The following FBN3 variants were observed in gnomAD, a reference collection of about 807,000 sequenced individuals.
The protein encoded by FBN3 is fibrillin 3.
In FBN3, 234 loss-of-function variants were observed where a neutral mutation model predicts 330.1. That is an observed-to-expected ratio of 0.71 (90% CI 0.64 to 0.79). FBN3 has a LOEUF of 0.79. Ranked by LOEUF, FBN3 falls within the 30% of genes least tolerant of loss-of-function variation. FBN3 has a pLI of 0.00. For synonymous variants in FBN3, 1,458 were observed against 1,517.3 expected, an observed-to-expected ratio of 0.96 and a Z score of 0.91; for missense variants, 3,606 against 3,886.9, an observed-to-expected ratio of 0.93 and a Z score of 1.92.
intron 13 of FBN3, 43 bp downstream of exon 13, chr19:8,135,918 T>TG: frequency 3.5e-6 from 5 of 1,420,044 alleles, no homozygotes; most frequent in Non-Finnish European, 4.8e-6. Context: ...AGGCAGCTAG[T>TG]GGGGCCCGGA....
intron 41 of FBN3, 53 bp downstream of exon 41, chr19:8,100,848 A>C (rs1271558669): frequency 1.4e-5 from 21 of 1,461,312 alleles, no homozygotes; most frequent in Non-Finnish European, 1.9e-5. Context: ...GGTGGGAGGA[A>C]GCAGACCCAG....
intron 54 of FBN3, 122 bp from the exon 55 acceptor site, chr19:8,086,447 T>TTATTA (rs1568372246): frequency 5.7e-4 from 185 of 326,474 alleles, no homozygotes; most frequent in African/African-American, 4.3e-3. Context: ...TTTATTTATT[T>TTATTA]TTATTATTAT....
rs192450313 is a variant in FBN3 at position 8,112,672 on chromosome 19, A to T, written c.3839-573T>A. Among the ~76,000 whole-genome samples the T allele has an allele frequency of 1.2e-4, 18 of 152,338 alleles. No homozygotes were observed. In the East Asian group the frequency reaches 3.5e-3, roughly 29 times the overall value. The stretch of plus-strand genomic sequence containing the variant: ...CTCAAAAAAATAAATAAATAAAAAA[A>T]TAAAAAAGTGACTGTCCGTATGAAC... On this transcript the variant is annotated intron_variant, in intron 30 of 63. Transcript: ENST00000600128.
At chr19:8,089,737 T>A (rs1236532328) in intron 50 of FBN3, 67 bp from the exon 51 acceptor site, 2 of 1,595,956 alleles carry the variant, frequency 1.3e-6, no homozygotes, top group East Asian at 2.2e-5. Flanking sequence ...CTGGCCACAC[T>A]CAAGGCCCCA....
At chr19:8,103,942 T>G (rs1445336101) in intron 38 of FBN3, among the ~76,000 whole-genome samples, 1 of 151,288 alleles carries the variant, frequency 6.6e-6, no homozygotes, top group Non-Finnish European at 1.5e-5. Context: ...TCGAGACCAG[T>G]CTGGGCAACA....
chr19:8,082,776 G>T (rs1054148754), intron 57 of FBN3, among the ~76,000 whole-genome samples: 7 of 151,238 alleles, frequency 4.6e-5, no homozygotes, highest in Non-Finnish European at 1.0e-4. Context: ...TTACAAGCAT[G>T]AGCTACTATG....
chr19:8,089,509 G>T (rs1375907442), intron 51 of FBN3, 36 bp downstream of exon 51: 1 of 1,612,544 alleles, frequency 6.2e-7, no homozygotes, highest in Admixed American at 1.7e-5. Flanking sequence ...CCTGGGAGGG[G>T]CCTGGGACAG....
Position 8,138,295 on chromosome 19 carries a change from C to G in FBN3, c.1047G>C (p.Arg349=), listed in dbSNP as rs774297618. The part of the protein sequence containing the change: ...SNEFQQLCAQ[R]LPLLPGHPGL... Reference sequence around the variant, plus strand: ...CAGGGTGGCCGGGTAGCAGCGGCAGCCGCTGGGCGCACAGTTGCTGGAATT... The same window carrying G: ...CAGGGTGGCCGGGTAGCAGCGGCAGGCGCTGGGCGCACAGTTGCTGGAATT... The change falls in exon 10 of 64, where the codon CGG becomes CGC. Residue 349 remains arginine, a synonymous_variant. Transcript: ENST00000600128. 1 of 1,613,200 alleles carries G rather than the reference C, an allele frequency of 6.2e-7. No homozygotes were observed. The highest frequency in any genetic ancestry group is 8.5e-7 in the Non-Finnish European group (1 of 1,179,730).
rs1375348194 is a variant in FBN3 at position 8,131,317 on chromosome 19, G to T, written c.1991-29C>A. 5.6e-6 allele frequency: 9 copies of T among 1,608,918 alleles called. No homozygotes were observed. Among genetic ancestry groups the T allele is most frequent in the Non-Finnish European group, 7.6e-6 (9 of 1,177,992 alleles). On this transcript the variant is annotated intron_variant, in intron 15 of 63. Coordinates refer to ENST00000600128, the MANE Select transcript of FBN3 (RefSeq NM_032447.5). This position sits in a 1 kb window ranked among gnomAD's most constrained non-coding sequence, Gnocchi z 4.5. Reference sequence around the variant, plus strand: ...GGGATGGAGGGACAGAGTGAGACGGGTCAGGGAGCTTAGCCATGGCTCGGA... The same window carrying T: ...GGGATGGAGGGACAGAGTGAGACGGTTCAGGGAGCTTAGCCATGGCTCGGA...
In FBN3 at chr19:8,121,505, T is replaced by G; in HGVS notation, c.3083-119A>C. 9.6e-7 allele frequency: 1 copy of G among 1,039,428 alleles called. No homozygotes were observed. 64.4% of individuals were successfully genotyped at this position (1,039,428 alleles called of 1,614,324 possible). On this transcript the variant is annotated intron_variant, in intron 24 of 63. Transcript: ENST00000600128. This position sits in a 1 kb window ranked among gnomAD's most constrained non-coding sequence, Gnocchi z 4.5. ...GCTAGAGGAAGCCCATCTGCAGACATAAGGAGGCACAGGCCAAGAGGGGAG... is the reference window on the plus strand; with the variant it reads ...GCTAGAGGAAGCCCATCTGCAGACAGAAGGAGGCACAGGCCAAGAGGGGAG...
intron 61 of FBN3, among the ~76,000 whole-genome samples, chr19:8,074,011 T>A (rs527633769): frequency 6.6e-6 from 1 of 152,234 alleles, no homozygotes; most frequent in East Asian, 1.9e-4. Context: ...CTTCAAAATG[T>A]ACTATGGGGG....
intron 47 of FBN3, 43 bp from the exon 48 acceptor site, chr19:8,091,633 C>A (rs754387156): frequency 8.1e-6 from 13 of 1,607,330 alleles, no homozygotes; most frequent in Non-Finnish European, 1.1e-5. Context: ...GCAAGTAGGA[C>A]CTCCATCAGT....
At chr19:8,145,186 C>T (rs2083504414) in intron 5 of FBN3, among the ~76,000 whole-genome samples, 2 of 151,974 alleles carry the variant, frequency 1.3e-5, no homozygotes, top group Non-Finnish European at 2.9e-5. Context: ...CCAGCCTGTC[C>T]AATATAGTGA....
At chr19:8,126,165 G>A in intron 21 of FBN3, 132 bp downstream of exon 21, 2 of 1,419,448 alleles carry the variant, frequency 1.4e-6, no homozygotes, top group Middle Eastern at 2.2e-4. Context: ...CTGGGGACCA[G>A]GTAGGGAGAA....
At chr19:8,130,593 A>AAGG (rs2083105247) in intron 16 of FBN3, among the ~76,000 whole-genome samples, 1 of 12,440 alleles carries the variant, frequency 8.0e-5, no homozygotes, top group Non-Finnish European at 1.6e-4. Context: ...TGAAAGAAAG[A>AAGG]AAGAAAGAAA....
At chr19:8,140,519 G>C (rs1420319901) in intron 8 of FBN3, among the ~76,000 whole-genome samples, 1 of 152,208 alleles carries the variant, frequency 6.6e-6, no homozygotes, top group African/African-American at 2.4e-5. Context: ...TGTGAGCTAA[G>C]TGGCCACAGC....
chr19:8,126,550 G>T lies in FBN3; in HGVS notation c.2472C>A (p.Asn824Lys). The change falls in exon 20 of 64, where the codon AAC (asparagine) becomes AAA (lysine). Residue 824 changes from asparagine (N) to lysine (K), a missense_variant. Transcript: ENST00000600128. ...CAGACCGCAGGCTGGCTCCCTGAAG[G>T]TTCACCTCACAGCGGCTCTCCTGGA... is the stretch of plus-strand genomic sequence containing the variant. ...LKIQESRCEV[N>K]LQGASLRSEC... 2.5e-6 allele frequency: 4 copies of T among 1,612,746 alleles called. No homozygotes were observed. The highest frequency in any genetic ancestry group is 3.4e-6 in the Non-Finnish European group (4 of 1,179,966).
intron 42 of FBN3, 95 bp downstream of exon 42, chr19:8,097,194 G>A: frequency 6.6e-7 from 1 of 1,506,132 alleles, no homozygotes; most frequent in East Asian, 2.4e-5. Flanking sequence ...CAGGGAAATG[G>A]AGGCTTACAG....
intron 63 of FBN3, among the ~76,000 whole-genome samples, chr19:8,069,572 A>G (rs1057173813): frequency 6.6e-6 from 1 of 152,128 alleles, no homozygotes; most frequent in Non-Finnish European, 1.5e-5. Flanking sequence ...GTCAGTGGGT[A>G]TTGCAGGCAA....
Sources: gnomAD v4.1 joint callset for allele counts (sites outside exome capture counted in the v4.1 genomes callset) on GRCh38, gnomAD v4.1.1 for gene constraint, Gnocchi (gnomAD v3.1) non-coding constraint, MANE v1.5 for transcripts, NCBI Gene and HGNC (gene_info 2026-07-23, HGNC 2026-07-21) for gene names.